The following ITCH variants were observed in gnomAD, a reference collection of about 807,000 sequenced individuals.
ITCH encodes E3 ubiquitin-protein ligase Itchy homolog.
ITCH carries 28 observed loss-of-function variants against 126.8 expected under a neutral mutation model. That is an observed-to-expected ratio of 0.22 (90% confidence interval 0.16 to 0.30). The LOEUF is 0.30. Ranked by LOEUF, ITCH falls within the 10% of genes least tolerant of loss-of-function variation. ITCH has a pLI of 1.00. For missense variants in ITCH, 631 were observed against 1,032.4 expected (o/e 0.61, Z 5.33); for synonymous variants, 342 against 340.0 (o/e 1.01, Z -0.06).
At chr20:34,480,561 A>G (rs1185567406) in intron 18 of ITCH, 38 bp from the exon 19 acceptor site, 2 of 1,603,664 alleles carry the variant, frequency 1.2e-6, no homozygotes, top group East Asian at 2.2e-5. Context: ...TGATTATTGT[A>G]CAGTTATTTT....
intron 2 of ITCH, among the ~76,000 whole-genome samples, chr20:34,392,582 TA>T (rs2038525554): frequency 6.6e-6 from 1 of 152,222 alleles, no homozygotes; most frequent in African/African-American, 2.4e-5. Context: ...TAAATTTGCA[TA>T]AAAACTCAAG....
chr20:34,482,897 C>T (rs576140793), intron 20 of ITCH, among the ~76,000 whole-genome samples: 2 of 152,188 alleles, frequency 1.3e-5, no homozygotes, highest in Admixed American at 6.5e-5. Context: ...CATTTCCATA[C>T]GTCTTCTGAA....
intron 3 of ITCH, chr20:34,402,764 G>A (rs1356618957): frequency 1.1e-5 from 3 of 274,752 alleles, no homozygotes; most frequent in Non-Finnish European, 1.5e-5. Context: ...TCTCCACCGG[G>A]TTGTTGGCTC....
At chr20:34,472,994 T>G (rs1438365082) in intron 16 of ITCH, among the ~76,000 whole-genome samples, 1 of 152,222 alleles carries the variant, frequency 6.6e-6, no homozygotes, top group African/African-American at 2.4e-5. Flanking sequence ...AACTGTTCCT[T>G]TATCTTTTGA....
At chr20:34,450,563 G>A (rs1174212811) in intron 12 of ITCH, among the ~76,000 whole-genome samples, 1 of 152,148 alleles carries the variant, frequency 6.6e-6, no homozygotes, top group Non-Finnish European at 1.5e-5. Flanking sequence ...GCATTATATA[G>A]CAAGGTTTCA....
chr20:34,393,633 AAGTT>A (rs1020971086), intron 2 of ITCH, 154 bp from the exon 3 acceptor site: 5 of 661,770 alleles, frequency 7.6e-6, no homozygotes, highest in African/African-American at 3.6e-5. Context: ...TTTTGCCAAT[AAGTT>A]AGGTAGGATA....
At chr20:34,446,159 GGA>G (rs1443571752) in intron 11 of ITCH, among the ~76,000 whole-genome samples, 1 of 152,054 alleles carries the variant, frequency 6.6e-6, no homozygotes, top group Non-Finnish European at 1.5e-5. Flanking sequence ...TCTTTTGTCT[GGA>G]GGAAAAGGAA....
intron 2 of ITCH, among the ~76,000 whole-genome samples, chr20:34,374,143 A>T (rs981292453): frequency 6.6e-6 from 1 of 152,162 alleles, no homozygotes; most frequent in Non-Finnish European, 1.5e-5. Context: ...AAGCTCCAGA[A>T]ATAACCATCT....
intron 14 of ITCH, among the ~76,000 whole-genome samples, chr20:34,465,174 A>T (rs1986934692): frequency 2.0e-5 from 3 of 152,228 alleles, no homozygotes; most frequent in African/African-American, 7.2e-5. Flanking sequence ...CCATTGCATG[A>T]CTGTGGCACC....
Position 34,410,499 on chromosome 20 carries a change from G to T in ITCH, c.212+1707G>T, listed in dbSNP as rs74761678. On this transcript the variant is annotated intron_variant, in intron 4 of 24. Transcript: ENST00000374864. ...TTAGGCTTTCTGTTTTTAATTAATG[G>T]CTCATTGTAGATTGAGTCAAAATGA... Among the ~76,000 whole-genome samples, 80 of 152,000 alleles carry T rather than the reference G, an allele frequency of 5.3e-4. No homozygotes were observed. In the East Asian group the frequency reaches 0.015, roughly 28 times the overall value.
intron 20 of ITCH, among the ~76,000 whole-genome samples, chr20:34,485,074 T>C (rs1823477200): frequency 6.6e-6 from 1 of 152,210 alleles, no homozygotes; most frequent in Non-Finnish European, 1.5e-5. Flanking sequence ...TGTCTGATTT[T>C]TTCTTTTATT....
intron 2 of ITCH, among the ~76,000 whole-genome samples, chr20:34,380,707 T>G (rs1245961736): frequency 6.8e-6 from 1 of 148,058 alleles, no homozygotes; most frequent in Non-Finnish European, 1.5e-5. Flanking sequence ...TGCCTTTGCC[T>G]CCTAAGGTGC....
intron 11 of ITCH, among the ~76,000 whole-genome samples, chr20:34,449,039 C>T (rs1984823935): frequency 6.6e-6 from 1 of 152,064 alleles, no homozygotes; most frequent in Non-Finnish European, 1.5e-5. Context: ...TAATATTTTT[C>T]ATAGTCATAT....
chr20:34,432,568 A>G (rs1337737932), intron 7 of ITCH, among the ~76,000 whole-genome samples: 1 of 152,238 alleles, frequency 6.6e-6, no homozygotes, highest in Non-Finnish European at 1.5e-5. Context: ...CAAAGATTTT[A>G]AAACTTTATG....
chr20:34,449,554 CAGATAT>C (rs2146322309), intron 12 of ITCH, 74 bp downstream of exon 12: 2 of 1,032,126 alleles, frequency 1.9e-6, no homozygotes, highest in South Asian at 2.6e-5. Flanking sequence ...CATTTTAAAA[CAGATAT>C]TTATGTCTGA....
In ITCH at chr20:34,437,446, C is replaced by T. The variant is rs1274685656; in HGVS notation, c.522-1028C>T. Among the ~76,000 whole-genome samples the T allele has an allele frequency of 6.6e-5, 10 of 152,298 alleles. No individual in the cohort carries two copies. The East Asian group carries it at 1.9e-3, about 29-fold the overall frequency. ...TCAGCCTCCTGAGTAGCTTCGACTACAGGCGTGCCCTGCCATGCCCAGCTA... is the reference window on the plus strand; with the variant it reads ...TCAGCCTCCTGAGTAGCTTCGACTATAGGCGTGCCCTGCCATGCCCAGCTA... On this transcript the variant is annotated intron_variant, in intron 7 of 24. Coordinates refer to ENST00000374864, the MANE Select transcript of ITCH (RefSeq NM_031483.7).
intron 1 of ITCH, 66 bp downstream of exon 1, chr20:34,363,415 C>A (rs1441895534): frequency 6.6e-6 from 1 of 152,292 alleles, no homozygotes; most frequent in Non-Finnish European, 1.5e-5. Flanking sequence ...TGAGAATGTT[C>A]GGGGAGAACA....
chr20:34,486,844 T>C (rs1044731550), intron 20 of ITCH, among the ~76,000 whole-genome samples: 1 of 150,698 alleles, frequency 6.6e-6, no homozygotes, highest in African/African-American at 2.4e-5. Flanking sequence ...ACTACAGGCA[T>C]GTGCCACCAC....
At chr20:34,493,618 A>G (rs1397165199) in intron 23 of ITCH, among the ~76,000 whole-genome samples, 2 of 152,216 alleles carry the variant, frequency 1.3e-5, no homozygotes, top group Non-Finnish European at 2.9e-5. Context: ...AATAATTGTC[A>G]TGTTATGGAA....
Sources: allele counts gnomAD v4.1 joint callset (sites outside exome capture counted in the v4.1 genomes callset), GRCh38; gene constraint gnomAD v4.1.1; transcripts MANE v1.5; gene names NCBI Gene and HGNC (gene_info 2026-07-23, HGNC 2026-07-21).